ITCH: variants seen among roughly 807,000 people sequenced by gnomAD.
ITCH encodes the protein itchy E3 ubiquitin protein ligase, also known as E3 ubiquitin-protein ligase Itchy homolog.
In ITCH, 28 loss-of-function variants were observed where a neutral mutation model predicts 126.8. The ratio of observed to expected loss-of-function variants is 0.22; its 90% confidence interval spans 0.16 to 0.30. The LOEUF is 0.30. ITCH is among the 10% of genes least tolerant of loss of function. The probability of loss-of-function intolerance (pLI) is 1.00; values close to 1 mark genes in which losing one functional copy is unlikely to be tolerated. For missense variants in ITCH, 631 were observed against 1,032.4 expected (o/e 0.61, Z 5.33); for synonymous variants, 342 against 340.0 (o/e 1.01, Z -0.06).
chr20:34,385,174 C>T (rs970733232), intron 2 of ITCH, among the ~76,000 whole-genome samples: 11 of 149,766 alleles, frequency 7.3e-5, no homozygotes, highest in African/African-American at 2.5e-4. Flanking sequence ...CATGCCACCA[C>T]GTCCAGCTAA....
chr20:34,458,460 A>G (rs778963389), intron 13 of ITCH, among the ~76,000 whole-genome samples: 1 of 152,200 alleles, frequency 6.6e-6, no homozygotes, highest in African/African-American at 2.4e-5. Context: ...ATGTTTTGAC[A>G]ATTATGTATA....
chr20:34,470,699 C>A (rs1199609924), intron 15 of ITCH, among the ~76,000 whole-genome samples: 1 of 152,030 alleles, frequency 6.6e-6, no homozygotes, highest in Non-Finnish European at 1.5e-5. Context: ...CTCAAGTGAT[C>A]CTCTTGCCTC....
At chr20:34,385,453 A>G (rs2038249119) in intron 2 of ITCH, among the ~76,000 whole-genome samples, 1 of 152,098 alleles carries the variant, frequency 6.6e-6, no homozygotes, top group Non-Finnish European at 1.5e-5. Context: ...AGAGAACAAT[A>G]CTTATAGTAG....
At chr20:34,400,075 A>G (rs1445809810) in intron 3 of ITCH, among the ~76,000 whole-genome samples, 2 of 151,808 alleles carry the variant, frequency 1.3e-5, no homozygotes, top group African/African-American at 4.8e-5. Flanking sequence ...AGTAGCTGGG[A>G]TTACAGACAT....
intron 22 of ITCH, among the ~76,000 whole-genome samples, chr20:34,491,350 G>A (rs1989495664): frequency 6.6e-6 from 1 of 152,162 alleles, no homozygotes; most frequent in African/African-American, 2.4e-5. Flanking sequence ...ACTAGAATGG[G>A]CAGCTTCATA....
At chr20:34,393,061 A>G (rs534168989) in intron 2 of ITCH, among the ~76,000 whole-genome samples, 2 of 152,160 alleles carry the variant, frequency 1.3e-5, no homozygotes, top group East Asian at 3.9e-4. Flanking sequence ...TCATTTTGTG[A>G]TCCACCCCAC....
chr20:34,506,691 G>A (rs1407500396), intron 24 of ITCH, among the ~76,000 whole-genome samples: 1 of 152,138 alleles, frequency 6.6e-6, no homozygotes, highest in African/African-American at 2.4e-5. Context: ...ATTGCCTGGT[G>A]CCAAAAAGGC....
rs1300945262 is a variant in ITCH, at chr20:34,438,529, A to C, written c.577A>C (p.Arg193=). ...PEDAGAGENR[R]VSGNNSPSLS... ...AGATGCAGGAGCTGGTGAAAATAGG[A>C]GAGTCAGTGGGAATAATTCTCCATC... The change falls in exon 8 of 25, where the codon AGA becomes CGA. Residue 193 remains arginine (R), a synonymous_variant. Coordinates refer to ENST00000374864, the MANE Select transcript of ITCH (RefSeq NM_031483.7). 2 of 1,614,032 alleles carry C rather than the reference A, an allele frequency of 1.2e-6. No homozygotes were observed. Among genetic ancestry groups the C allele is most frequent in the South Asian group, 2.2e-5 (2 of 91,080 alleles).
intron 3 of ITCH, chr20:34,402,375 T>C: frequency 1.2e-6 from 1 of 819,134 alleles, no homozygotes; most frequent in Non-Finnish European, 2.2e-6. Context: ...TGAGATCAAT[T>C]TGGGTCCCAA....
intron 7 of ITCH, among the ~76,000 whole-genome samples, chr20:34,424,875 T>A (rs147835209): frequency 6.6e-6 from 1 of 152,298 alleles, no homozygotes; most frequent in Non-Finnish European, 1.5e-5. Context: ...TATGTGAAGG[T>A]CACCACTAGC....
chr20:34,388,619 G>A (rs1023448149), intron 2 of ITCH, among the ~76,000 whole-genome samples: 3 of 152,124 alleles, frequency 2.0e-5, no homozygotes, highest in Non-Finnish European at 4.4e-5. Context: ...AAACAAAAAA[G>A]TTATGATACT....
intron 8 of ITCH, among the ~76,000 whole-genome samples, chr20:34,439,787 G>A (rs1182593587): frequency 6.6e-6 from 1 of 151,952 alleles, no homozygotes; most frequent in Non-Finnish European, 1.5e-5. Context: ...TAATCTGCAC[G>A]GTTTCACAGG....
At chr20:34,468,326 G>A (rs1035624356) in intron 14 of ITCH, among the ~76,000 whole-genome samples, 9 of 150,992 alleles carry the variant, frequency 6.0e-5, no homozygotes, top group African/African-American at 1.5e-4. Flanking sequence ...GAGCTGCTGC[G>A]CCCTGCCGGA....
At chr20:34,385,760 T>C (rs898881871) in intron 2 of ITCH, among the ~76,000 whole-genome samples, 2 of 152,208 alleles carry the variant, frequency 1.3e-5, no homozygotes, top group African/African-American at 4.8e-5. Flanking sequence ...TTGCATATGC[T>C]TTAGAATCCA....
At chr20:34,506,753 C>T (rs1359725727) in intron 24 of ITCH, among the ~76,000 whole-genome samples, 2 of 152,152 alleles carry the variant, frequency 1.3e-5, no homozygotes, top group East Asian at 3.8e-4. Context: ...TTCCCCAGGT[C>T]CTGGCAAACA....
chr20:34,456,656 A>G (rs34954171), intron 12 of ITCH, among the ~76,000 whole-genome samples: 63,285 of 143,188 alleles, frequency 0.44, 14,613 homozygotes, highest in Non-Finnish European at 0.5. Context: ...ATATATATAT[A>G]TATGTGTGTG....
intron 11 of ITCH, 31 bp from the exon 12 acceptor site, chr20:34,449,380 A>G (rs1387154593): frequency 7.4e-7 from 1 of 1,351,588 alleles, no homozygotes; most frequent in South Asian, 1.2e-5. Context: ...TTAAGTTGTT[A>G]ATAGTTTCAT....
At chr20:34,459,177 C>G (rs1986288191) in intron 13 of ITCH, among the ~76,000 whole-genome samples, 7 of 152,138 alleles carry the variant, frequency 4.6e-5, no homozygotes. Context: ...TCATTGAAAC[C>G]TCTTATAGTC....
rs1187461780 is a variant in ITCH, at chr20:34,464,483, C to T, written c.1424+2262C>T. Among the ~76,000 whole-genome samples, 5 of 151,892 alleles carry T rather than the reference C, an allele frequency of 3.3e-5. No homozygotes were observed. The East Asian group carries it at 5.8e-4, about 18-fold the overall frequency. On this transcript the variant is annotated intron_variant, in intron 14 of 24. Transcript: ENST00000374864. Reference sequence around the variant, plus strand: ...CTGGGATTATAGGCATGCACCACCACGCTGAGCTAATTTTGTATTTTTAGT... The same window carrying T: ...CTGGGATTATAGGCATGCACCACCATGCTGAGCTAATTTTGTATTTTTAGT...
Sources: gnomAD v4.1 joint callset for allele counts (sites outside exome capture counted in the v4.1 genomes callset) on GRCh38, gnomAD v4.1.1 for gene constraint, MANE v1.5 for transcripts, NCBI Gene and HGNC (gene_info 2026-07-23, HGNC 2026-07-21) for gene names.